MGAT4C: variants seen among roughly 807,000 people sequenced by gnomAD.
The protein encoded by MGAT4C is alpha-1,3-mannosyl-glycoprotein 4-beta-N-acetylglucosaminyltransferase C.
Under a neutral mutation model 40.1 loss-of-function variants are expected in MGAT4C, and 19 were observed. The observed-to-expected ratio is 0.47, with a 90% CI of 0.33 to 0.70. The LOEUF (loss-of-function observed/expected upper bound fraction) is 0.70. Among genes scored for constraint, MGAT4C ranks in the 30% least tolerant of loss-of-function variants. MGAT4C has a pLI of 0.02. For synonymous variants in MGAT4C, 181 were observed against 187.1 expected (o/e 0.97, Z 0.27); for missense variants, 491 against 563.2 (o/e 0.87, Z 1.30).
At chr12:86,685,289 G>A (rs185497091) in intron 2 of MGAT4C, among the ~76,000 whole-genome samples, 530 of 152,270 alleles carry the variant, frequency 3.5e-3, no homozygotes, top group Non-Finnish European at 5.2e-3. Flanking sequence ...TTATTAAATA[G>A]GGAATCCTTT....
intron 1 of MGAT4C, among the ~76,000 whole-genome samples, chr12:86,138,968 G>A (rs940874837): frequency 4.6e-5 from 7 of 152,132 alleles, no homozygotes; most frequent in East Asian, 3.9e-4. Flanking sequence ...GGAAGATCAC[G>A]TGTGAAAGGC....
intron 1 of MGAT4C, among the ~76,000 whole-genome samples, chr12:86,093,182 C>T (rs1873196126): frequency 6.6e-6 from 1 of 152,264 alleles, no homozygotes; most frequent in South Asian, 2.1e-4. Context: ...GAGCTTTCAT[C>T]TGTTCCCCTT....
In MGAT4C at chr12:86,164,723, G is replaced by A. The variant is rs1885995715; in HGVS notation, c.-57+91516C>T. Among the ~76,000 whole-genome samples the A allele has an allele frequency of 7.2e-5, 11 of 152,176 alleles. No individual in the cohort carries two copies. In the South Asian group the frequency reaches 2.3e-3, roughly 32 times the overall value. The stretch of plus-strand genomic sequence containing the variant: ...ATTTGTTTGATGGGCCACAGAGCAC[G>A]GTACCCTTGGGGATTTGAAAAAAAT... On this transcript the variant is annotated intron_variant, in intron 1 of 4. Coordinates refer to ENST00000611864, the MANE Select transcript of MGAT4C (RefSeq NM_001351288.2).
At chr12:86,628,110 A>T (rs1399295223) in intron 2 of MGAT4C, among the ~76,000 whole-genome samples, 1 of 152,240 alleles carries the variant, frequency 6.6e-6, no homozygotes, top group Non-Finnish European at 1.5e-5. Flanking sequence ...CACAAGCTTC[A>T]GTAGCTGATT....
chr12:86,564,294 T>G (rs1025596733), intron 2 of MGAT4C, among the ~76,000 whole-genome samples: 1 of 144,496 alleles, frequency 6.9e-6, no homozygotes, highest in Non-Finnish European at 1.6e-5. Context: ...GGCAAATCCC[T>G]TTTTTTTTTT....
In MGAT4C at chr12:86,623,531, T is replaced by G. The variant is rs112704645; in HGVS notation, c.-229+103678A>C. On this transcript the variant is annotated intron_variant, in intron 2 of 7. Coordinates refer to the MGAT4C transcript ENST00000548651. ...GCAAGTTGAAAAGACAATGGGCCAATATTTTAAAGAACTGACAGAAAACTA... is the reference window on the plus strand; with the variant it reads ...GCAAGTTGAAAAGACAATGGGCCAAGATTTTAAAGAACTGACAGAAAACTA... Among the ~76,000 whole-genome samples the G allele has an allele frequency of 3.1e-3, 477 of 152,282 alleles. 1 individual carries two copies. Among genetic ancestry groups the G allele is most frequent in the African/African-American group, 0.011 (461 of 41,560 alleles).
intron 1 of MGAT4C, among the ~76,000 whole-genome samples, chr12:86,086,970 G>T (rs1332240899): frequency 6.6e-6 from 1 of 152,028 alleles, no homozygotes; most frequent in African/African-American, 2.4e-5. Flanking sequence ...AGGTCCTCCA[G>T]TTTCATCCAT....
intron 2 of MGAT4C, among the ~76,000 whole-genome samples, chr12:86,445,694 T>A (rs1316325378): frequency 1.3e-5 from 2 of 152,126 alleles, no homozygotes; most frequent in East Asian, 3.8e-4. Context: ...CATAATAGAA[T>A]AAAATATATC....
chr12:86,598,760 C>T (rs1961643086), intron 2 of MGAT4C, among the ~76,000 whole-genome samples: 1 of 152,106 alleles, frequency 6.6e-6, no homozygotes, highest in Non-Finnish European at 1.5e-5. Context: ...GATACTAAAA[C>T]ACTTCAGTGC....
At chr12:86,600,095 G>A (rs1961708456) in intron 2 of MGAT4C, among the ~76,000 whole-genome samples, 1 of 152,118 alleles carries the variant, frequency 6.6e-6, no homozygotes, top group Admixed American at 6.6e-5. Flanking sequence ...TCTAAATCTA[G>A]AAAGAATGCT....
chr12:86,074,675 G>A (rs1869321477), intron 1 of MGAT4C, among the ~76,000 whole-genome samples: 1 of 152,116 alleles, frequency 6.6e-6, no homozygotes, highest in Admixed American at 6.5e-5. Context: ...TAAAGAAAAA[G>A]AGGTTTAATG....
intron 2 of MGAT4C, among the ~76,000 whole-genome samples, chr12:86,663,870 T>C (rs1251248652): frequency 6.6e-6 from 1 of 152,196 alleles, no homozygotes; most frequent in Non-Finnish European, 1.5e-5. Context: ...AAAGCTCCTA[T>C]GCTTGTGGGC....
intron 2 of MGAT4C, among the ~76,000 whole-genome samples, chr12:86,529,332 C>A (rs1232469794): frequency 6.6e-6 from 1 of 152,052 alleles, no homozygotes. Context: ...GAAGACCATA[C>A]CATTATTACA....
chr12:86,445,235 C>T (rs1592856801), intron 2 of MGAT4C, among the ~76,000 whole-genome samples: 1 of 152,052 alleles, frequency 6.6e-6, no homozygotes, highest in African/African-American at 2.4e-5. Context: ...ACACATAAAA[C>T]CTCTAAAAAT....
intron 4 of MGAT4C, among the ~76,000 whole-genome samples, chr12:86,263,916 C>T (rs1259705168): frequency 1.3e-5 from 2 of 151,964 alleles, no homozygotes; most frequent in Non-Finnish European, 2.9e-5. Context: ...TTTTCAGATG[C>T]TTAGTGATGT....
chr12:86,188,771 G>A (rs924193488), intron 1 of MGAT4C, among the ~76,000 whole-genome samples: 2 of 151,676 alleles, frequency 1.3e-5, no homozygotes, highest in South Asian at 2.1e-4. Flanking sequence ...GTGAACTTTC[G>A]ATTCATCTGA....
rs1033882505 is a variant in MGAT4C, at chr12:86,680,194, A to C, written c.-229+47015T>G. ...TTCATATTATGAGATGAATGAACCC[A>C]TAATTTTAAATGCATGCAGACACAT... On this transcript the variant is annotated intron_variant, in intron 2 of 7. Coordinates refer to the MGAT4C transcript ENST00000548651. Among the ~76,000 whole-genome samples the C allele has an allele frequency of 2.0e-5, 3 of 152,082 alleles. No homozygotes were observed. In the South Asian group the frequency reaches 6.2e-4, roughly 31 times the overall value.
At chr12:86,293,946 T>A (rs2136131218) in intron 4 of MGAT4C, among the ~76,000 whole-genome samples, 1 of 152,294 alleles carries the variant, frequency 6.6e-6, no homozygotes. Context: ...CTTTCCTTTA[T>A]GAATTAATCC....
chr12:86,212,538 T>G (rs1348524473), intron 1 of MGAT4C, among the ~76,000 whole-genome samples: 1 of 151,974 alleles, frequency 6.6e-6, no homozygotes, highest in Non-Finnish European at 1.5e-5. Flanking sequence ...CCATTCTTAT[T>G]GGAGTCAGTT....
Sources: gnomAD v4.1 joint callset for allele counts (sites outside exome capture counted in the v4.1 genomes callset) on GRCh38, gnomAD v4.1.1 for gene constraint, MANE v1.5 for transcripts, NCBI Gene and HGNC (gene_info 2026-07-23, HGNC 2026-07-21) for gene names.